The following CLEC2L variants were observed in gnomAD, a reference collection of about 807,000 sequenced individuals.
CLEC2L encodes C-type lectin domain family 2 member L.
CLEC2L carries 14 observed loss-of-function variants against 23.6 expected under a neutral mutation model. The observed-to-expected ratio is 0.59, with a 90% CI of 0.39 to 0.93. CLEC2L has a LOEUF of 0.93. CLEC2L is among the 40% of genes least tolerant of loss of function. The pLI, the probability that CLEC2L is intolerant of heterozygous loss-of-function variation, is 0.00. For missense variants in CLEC2L, 264 were observed against 282.4 expected, an observed-to-expected ratio of 0.93 and a Z score of 0.47; for synonymous variants, 114 against 121.3, an observed-to-expected ratio of 0.94 and a Z score of 0.40.
chr7:139,538,190 C>T (rs113784439), intron 2 of CLEC2L, among the ~76,000 whole-genome samples: 4,649 of 151,422 alleles, frequency 0.031, 169 homozygotes, highest in African/African-American at 0.091. Context: ...CCCAGCACTT[C>T]GGGAGGCCAA....
chr7:139,538,388 G>A (rs889652660), intron 2 of CLEC2L, among the ~76,000 whole-genome samples: 1 of 150,450 alleles, frequency 6.6e-6, no homozygotes, highest in Non-Finnish European at 1.5e-5. Flanking sequence ...AGCTGAGATT[G>A]TGCCACGCAC....
rs59159514 is a variant in CLEC2L, at chr7:139,534,961, T to TAA, written c.191-1300_191-1299dup. 1.4e-3 allele frequency among the ~76,000 whole-genome samples: 185 copies of TAA among 134,320 alleles called. 1 individual carries two copies. The highest frequency in any genetic ancestry group is 3.8e-3 in the African/African-American group (143 of 37,678). The allele number at this position is 134,320 out of a possible 152,430, so 88.1% of individuals were successfully genotyped here. A position where few individuals can be genotyped will look rare whatever the true frequency, so the allele number is the denominator to read the frequency against. On this transcript the variant is annotated intron_variant, in intron 1 of 4. Coordinates refer to ENST00000422142, the MANE Select transcript of CLEC2L (RefSeq NM_001080511.4). ...GTAAAAATAAATAAGTGTTCTTTAG[T>TAA]AAAAAAAAAAAAAACAAAAGAACAA...
At chr7:139,536,122 T>C (rs148952641) in intron 1 of CLEC2L, among the ~76,000 whole-genome samples, 152 bp from the exon 2 acceptor site, 2,264 of 152,260 alleles carry the variant, frequency 0.015, 58 homozygotes, top group African/African-American at 0.05. Context: ...CTGGCCAACA[T>C]GGTGAAACCC....
At chr7:139,534,820 G>C (rs1182786201) in intron 1 of CLEC2L, among the ~76,000 whole-genome samples, 1 of 151,206 alleles carries the variant, frequency 6.6e-6, no homozygotes, top group Admixed American at 6.6e-5. Context: ...ATTAATGTTG[G>C]TTCCAGTCCT....
intron 1 of CLEC2L, among the ~76,000 whole-genome samples, chr7:139,528,480 C>T (rs112984987): frequency 0.054 from 8,206 of 152,238 alleles, 330 homozygotes; most frequent in African/African-American, 0.11. Context: ...AAAGACACGT[C>T]TTACATGGTG....
intron 4 of CLEC2L, 91 bp downstream of exon 4, chr7:139,542,212 T>G: frequency 1.2e-6 from 1 of 836,714 alleles, no homozygotes; most frequent in Non-Finnish European, 1.9e-6. Context: ...AGAGAAGCCC[T>G]TGTTTTGTGC....
chr7:139,530,421 G>A (rs1381285575), intron 1 of CLEC2L, among the ~76,000 whole-genome samples: 2 of 152,110 alleles, frequency 1.3e-5, no homozygotes, highest in Non-Finnish European at 2.9e-5. Context: ...GCTGAGAACA[G>A]GAGGACTGGT....
Position 139,540,063 on chromosome 7 carries a change from G to A in CLEC2L, c.266-258G>A. On this transcript the variant is annotated intron_variant, in intron 2 of 4. Coordinates refer to ENST00000422142, the MANE Select transcript of CLEC2L (RefSeq NM_001080511.4). The surrounding 1 kb of genome is among the most constrained non-coding windows in gnomAD (Gnocchi z 5.8). ...TGGCGTTCCATGCCTCTGGGAGTTT[G>A]GAGACAGAGGAGATCCTAACCCAGG... The A allele has an allele frequency of 2.2e-6, 1 of 461,106 alleles. No homozygotes were observed. Among genetic ancestry groups the A allele is most frequent in the East Asian group, 4.0e-5 (1 of 24,774 alleles). 28.6% of individuals were successfully genotyped at this position (461,106 alleles called of 1,614,324 possible). A position where few individuals can be genotyped will look rare whatever the true frequency, so the allele number is the denominator to read the frequency against.
At chr7:139,538,657 G>A (rs1468136869) in intron 2 of CLEC2L, among the ~76,000 whole-genome samples, 1 of 152,194 alleles carries the variant, frequency 6.6e-6, no homozygotes, top group East Asian at 1.9e-4. Context: ...GCTGAGGCGG[G>A]AGAATTGCTT....
chr7:139,529,883 G>A (rs1444994137), intron 1 of CLEC2L, among the ~76,000 whole-genome samples: 2 of 152,070 alleles, frequency 1.3e-5, no homozygotes, highest in South Asian at 2.1e-4. Context: ...TCTGGCCAAC[G>A]TGGAGAAACC....
At chr7:139,530,370 C>A (rs1370606677) in intron 1 of CLEC2L, among the ~76,000 whole-genome samples, 1 of 152,140 alleles carries the variant, frequency 6.6e-6, no homozygotes, top group Non-Finnish European at 1.5e-5. Context: ...CATGGGAGGA[C>A]CTCTAAGGCT....
chr7:139,529,197 G>A (rs917428897), intron 1 of CLEC2L, among the ~76,000 whole-genome samples: 6 of 152,164 alleles, frequency 3.9e-5, no homozygotes, highest in African/African-American at 1.2e-4. Context: ...TAATCACCGC[G>A]AGTTGATTGA....
rs775468237 is a variant in CLEC2L, at chr7:139,542,033, A to G, written c.445A>G (p.Lys149Glu). The G allele has an allele frequency of 6.2e-7, 1 of 1,611,848 alleles. No homozygotes were observed. The highest frequency in any genetic ancestry group is 2.2e-5 in the East Asian group (1 of 44,836). Residue 149 changes from lysine (K) to glutamate (E), a missense_variant, in exon 4 of 5, where the codon AAG becomes GAG. By Grantham distance (56) the Lys-to-Glu change is moderately conservative (BLOSUM62 1). Coordinates refer to ENST00000422142, the MANE Select transcript of CLEC2L (RefSeq NM_001080511.4). ...QSQKELEFMFKFTRREPWIGL... is the reference protein window; with the variant it reads ...QSQKELEFMFEFTRREPWIGL... The stretch of plus-strand genomic sequence containing the variant: ...TTCCTCGGTGCAGGAATTTATGTTC[A>G]AGTTCACGCGGAGGGAGCCCTGGAT...
At chr7:139,529,306 G>C (rs1218356202) in intron 1 of CLEC2L, among the ~76,000 whole-genome samples, 1 of 152,184 alleles carries the variant, frequency 6.6e-6, no homozygotes, top group African/African-American at 2.4e-5. Context: ...TCATTTTCAA[G>C]ATGAGGAAAA....
rs545030498 is a variant in CLEC2L, at chr7:139,537,513, G to A, written c.265+1165G>A. Among the ~76,000 whole-genome samples, 3 of 152,290 alleles carry A rather than the reference G, an allele frequency of 2.0e-5. No individual in the cohort carries two copies. In the East Asian group the frequency reaches 5.8e-4, roughly 29 times the overall value. On this transcript the variant is annotated intron_variant, in intron 2 of 4. Transcript: ENST00000422142. ...TGGGAGATAAAGGCTATTTTGGTAA[G>A]GTTTGCTTGTGCAAACTAATCCTGG...
chr7:139,541,947 A>G, intron 3 of CLEC2L, 74 bp from the exon 4 acceptor site: 2 of 957,196 alleles, frequency 2.1e-6, no homozygotes, highest in South Asian at 2.9e-5. Context: ...TTCCAAGCTG[A>G]GGTTTGTCTT....
chr7:139,544,680 C>G lies in CLEC2L; in HGVS notation c.*338C>G, dbSNP rs1797784862. 1 of 221,052 alleles carries G rather than the reference C, an allele frequency of 4.5e-6. No individual in the cohort carries two copies. The highest frequency in any genetic ancestry group is 2.3e-5 in the African/African-American group (1 of 44,040). The allele number at this position is 221,052 out of a possible 1,614,324, so 13.7% of individuals were successfully genotyped here. Reference sequence around the variant, plus strand: ...GTCCATCCTGAGCCACCCCACAGATCTCTCTCCGGCCCCCTAGAAGCCCTC... The same window carrying G: ...GTCCATCCTGAGCCACCCCACAGATGTCTCTCCGGCCCCCTAGAAGCCCTC... On this transcript the variant is annotated 3_prime_UTR_variant, in exon 5 of 5. Coordinates refer to ENST00000422142, the MANE Select transcript of CLEC2L (RefSeq NM_001080511.4).
intron 1 of CLEC2L, among the ~76,000 whole-genome samples, chr7:139,532,281 G>A (rs952367550): frequency 6.6e-6 from 1 of 152,158 alleles, no homozygotes; most frequent in African/African-American, 2.4e-5. Context: ...AATGAGAAGC[G>A]TTGATCCTTG....
Position 139,524,034 on chromosome 7 carries a change from C to T in CLEC2L, c.107C>T (p.Ala36Val), listed in dbSNP as rs1251698422. The change falls in exon 1 of 5, where the codon GCT becomes GTT. Residue 36 changes from alanine (A) to valine (V), a missense_variant. Coordinates refer to ENST00000422142, the MANE Select transcript of CLEC2L (RefSeq NM_001080511.4). ...AAPRPRSPAE[A>V]EARGPEGLLR... ...CCCAGGCCGCGTTCGCCCGCAGAGGCTGAGGCCCGCGGCCCCGAGGGGCTG... is the reference window on the plus strand; with the variant it reads ...CCCAGGCCGCGTTCGCCCGCAGAGGTTGAGGCCCGCGGCCCCGAGGGGCTG... 3.4e-5 allele frequency: 40 copies of T among 1,191,134 alleles called. No individual in the cohort carries two copies. The highest frequency in any genetic ancestry group is 4.2e-5 in the Non-Finnish European group (40 of 960,858). The allele number at this position is 1,191,134 out of a possible 1,614,324, so 73.8% of individuals were successfully genotyped here. A position where few individuals can be genotyped will look rare whatever the true frequency, so the allele number is the denominator to read the frequency against.
Sources: gnomAD v4.1 joint callset for allele counts (sites outside exome capture counted in the v4.1 genomes callset) on GRCh38, gnomAD v4.1.1 for gene constraint, Gnocchi (gnomAD v3.1) non-coding constraint, MANE v1.5 for transcripts, NCBI Gene and HGNC (gene_info 2026-07-23, HGNC 2026-07-21) for gene names.